ANKFN1: variants seen among roughly 807,000 people sequenced by gnomAD.
The protein encoded by ANKFN1 is ankyrin repeat and fibronectin type III domain containing 1.
In ANKFN1, 74 loss-of-function variants were observed where a neutral mutation model predicts 108.7. The observed-to-expected ratio is 0.68, with a 90% CI of 0.56 to 0.83. The LOEUF is 0.83. Ranked by LOEUF, ANKFN1 falls within the 40% of genes least tolerant of loss-of-function variation. The pLI, the probability that ANKFN1 is intolerant of heterozygous loss-of-function variation, is 0.00. For missense variants in ANKFN1, 1,505 were observed against 1,382.3 expected (o/e 1.09, Z -1.41); for synonymous variants, 547 against 516.2 (o/e 1.06, Z -0.81).
At chr17:56,262,125 TA>T in intron 3 of ANKFN1, among the ~76,000 whole-genome samples, 1 of 152,258 alleles carries the variant, frequency 6.6e-6, no homozygotes, top group African/African-American at 2.4e-5. Context: ...TCCCAAATAC[TA>T]GGCAGGTTGA....
At chr17:56,216,586 A>G (rs900336225) in intron 2 of ANKFN1, among the ~76,000 whole-genome samples, 25 of 152,224 alleles carry the variant, frequency 1.6e-4, no homozygotes, top group Non-Finnish European at 1.5e-5. Context: ...GAAATCAAAG[A>G]CCTTTCTAAA....
At chr17:56,342,506 C>T (rs1023626117) in intron 4 of ANKFN1, among the ~76,000 whole-genome samples, 2 of 151,972 alleles carry the variant, frequency 1.3e-5, no homozygotes, top group Non-Finnish European at 2.9e-5. Context: ...TTTTTGTTCT[C>T]ATTAGTTTCA....
chr17:56,257,580 C>A (rs1202127956), intron 3 of ANKFN1, among the ~76,000 whole-genome samples: 3 of 152,280 alleles, frequency 2.0e-5, no homozygotes, highest in Non-Finnish European at 2.9e-5. Context: ...CTCTCAGAAC[C>A]CTTGCCAGTT....
chr17:56,123,145 C>G (rs9900114), intron 4 of ANKFN1, among the ~76,000 whole-genome samples: 2,402 of 152,276 alleles, frequency 0.016, 57 homozygotes, highest in African/African-American at 0.055. Context: ...GTAACGTGCT[C>G]AAGGTCACAC....
chr17:56,401,629 AACAGTG>A (rs1377889835), intron 8 of ANKFN1, among the ~76,000 whole-genome samples: 1 of 152,040 alleles, frequency 6.6e-6, no homozygotes, highest in Admixed American at 6.6e-5. Context: ...ATTTTCAGCA[AACAGTG>A]ACAGGTTGAC....
intron 11 of ANKFN1, among the ~76,000 whole-genome samples, chr17:56,451,582 C>G (rs1165434591): frequency 6.6e-6 from 1 of 152,136 alleles, no homozygotes; most frequent in Non-Finnish European, 1.5e-5. Flanking sequence ...AATTCTACCA[C>G]TTACAAGCTG....
intron 3 of ANKFN1, among the ~76,000 whole-genome samples, chr17:56,306,042 G>A (rs1490703537): frequency 6.6e-6 from 1 of 152,168 alleles, no homozygotes; most frequent in Non-Finnish European, 1.5e-5. Context: ...ACATCAGACA[G>A]TCTTGATTAC....
chr17:56,322,007 A>G (rs1157306752), intron 3 of ANKFN1, among the ~76,000 whole-genome samples: 1 of 152,166 alleles, frequency 6.6e-6, no homozygotes, highest in Non-Finnish European at 1.5e-5. Context: ...TGCTAGAGGC[A>G]GCTCATCTGT....
chr17:56,330,477 C>T (rs138159296), intron 4 of ANKFN1, among the ~76,000 whole-genome samples: 2 of 152,246 alleles, frequency 1.3e-5, no homozygotes, highest in African/African-American at 2.4e-5. Flanking sequence ...ACAGCCAAGC[C>T]ATATCAAGAA....
chr17:56,172,615 G>A (rs1910781373), intron 1 of ANKFN1, among the ~76,000 whole-genome samples: 1 of 152,128 alleles, frequency 6.6e-6, no homozygotes, highest in Non-Finnish European at 1.5e-5. Flanking sequence ...TGCCAACTCA[G>A]AGTCTAGAGG....
intron 3 of ANKFN1, among the ~76,000 whole-genome samples, chr17:56,275,681 T>C (rs889997573): frequency 2.0e-5 from 3 of 152,130 alleles, no homozygotes; most frequent in Non-Finnish European, 4.4e-5. Context: ...TTAAAGACTT[T>C]TAGGGTGAAG....
At chr17:56,135,849 G>A (rs1476507431) in intron 4 of ANKFN1, among the ~76,000 whole-genome samples, 1 of 152,114 alleles carries the variant, frequency 6.6e-6, no homozygotes, top group Non-Finnish European at 1.5e-5. Context: ...ATAATAGAAA[G>A]TAAAAAACTA....
chr17:56,265,694 C>T (rs1231972537), intron 3 of ANKFN1, among the ~76,000 whole-genome samples: 1 of 152,072 alleles, frequency 6.6e-6, no homozygotes, highest in African/African-American at 2.4e-5. Flanking sequence ...GCTCAAATCC[C>T]TTATATAAAA....
intron 4 of ANKFN1, among the ~76,000 whole-genome samples, chr17:56,077,213 A>T (rs2332569): frequency 1.3e-5 from 2 of 152,010 alleles, no homozygotes; most frequent in Non-Finnish European, 2.9e-5. Flanking sequence ...GAATAGACAG[A>T]CTTCCCCACT....
intron 8 of ANKFN1, among the ~76,000 whole-genome samples, chr17:56,432,371 A>C (rs2048786111): frequency 6.6e-6 from 1 of 152,250 alleles, no homozygotes; most frequent in South Asian, 2.1e-4. Context: ...GCTTATTCAC[A>C]AGGTCCAGAC....
At chr17:56,330,063 G>A (rs1458931296) in intron 4 of ANKFN1, among the ~76,000 whole-genome samples, 5 of 152,188 alleles carry the variant, frequency 3.3e-5, no homozygotes, top group Admixed American at 2.0e-4. Flanking sequence ...GCAGCCTGAA[G>A]GGACTAAGAC....
chr17:56,335,068 C>T (rs1203461945), intron 4 of ANKFN1, among the ~76,000 whole-genome samples: 1 of 152,118 alleles, frequency 6.6e-6, no homozygotes, highest in Non-Finnish European at 1.5e-5. Flanking sequence ...GGTCTCTGTT[C>T]TGTTCCATTG....
rs1905321282 is a variant in ANKFN1, at chr17:56,086,745, T to A, written c.288+40420T>A. On this transcript the variant is annotated intron_variant, in intron 4 of 12. Coordinates refer to the ANKFN1 transcript ENST00000635860. ...TGCACATTGTCCTACAGAAACTTACTAAAAAGTCACAGAGACCGGCAGTAG... is the reference window on the plus strand; with the variant it reads ...TGCACATTGTCCTACAGAAACTTACAAAAAAGTCACAGAGACCGGCAGTAG... Among the ~76,000 whole-genome samples, 2 of 151,410 alleles carry A rather than the reference T, an allele frequency of 1.3e-5. 1 individual carries two copies. Among genetic ancestry groups the A allele is most frequent in the African/African-American group, 4.8e-5 (2 of 41,252 alleles).
Position 56,177,423 on chromosome 17 carries a change from G to C in ANKFN1, c.-71+23893G>C, listed in dbSNP as rs1911274610. Among the ~76,000 whole-genome samples the C allele has an allele frequency of 2.0e-5, 3 of 152,170 alleles. No homozygotes were observed. In the South Asian group the frequency reaches 6.2e-4, roughly 32 times the overall value. ...GATGTGAAAAATCATCTCACCTTGGGCTTAAATAGGCCTCTCAGAAGCAAG... is the reference window on the plus strand; with the variant it reads ...GATGTGAAAAATCATCTCACCTTGGCCTTAAATAGGCCTCTCAGAAGCAAG... On this transcript the variant is annotated intron_variant, in intron 1 of 20. Coordinates refer to ENST00000682825, the MANE Select transcript of ANKFN1 (RefSeq NM_001370326.1).
Sources: allele counts gnomAD v4.1 joint callset (sites outside exome capture counted in the v4.1 genomes callset), GRCh38; gene constraint gnomAD v4.1.1; transcripts MANE v1.5; gene names NCBI Gene and HGNC (gene_info 2026-07-23, HGNC 2026-07-21).